The following GALNTL6 variants were observed in gnomAD, a reference collection of about 807,000 sequenced individuals.
GALNTL6 encodes polypeptide N-acetylgalactosaminyltransferase-like 6.
In GALNTL6, 46 loss-of-function variants were observed where a neutral mutation model predicts 73.7. The ratio of observed to expected loss-of-function variants is 0.62; its 90% CI spans 0.49 to 0.80. The LOEUF is 0.80. Among genes scored for constraint, GALNTL6 ranks in the 30% least tolerant of loss-of-function variants. GALNTL6 has a pLI of 0.00. For missense variants in GALNTL6, 604 were observed against 755.0 expected (o/e 0.80, Z 2.34); for synonymous variants, 259 against 263.7 (o/e 0.98, Z 0.17).
At chr4:172,017,422 C>T (rs529435581) in intron 2 of GALNTL6, among the ~76,000 whole-genome samples, 28 of 152,070 alleles carry the variant, frequency 1.8e-4, no homozygotes, top group Non-Finnish European at 3.5e-4. Context: ...GCTATACTCA[C>T]CCTGGATTTT....
intron 5 of GALNTL6, among the ~76,000 whole-genome samples, chr4:172,536,758 G>A (rs771588130): frequency 2.0e-5 from 3 of 152,170 alleles, no homozygotes; most frequent in Non-Finnish European, 4.4e-5. Context: ...TGAAAAATTT[G>A]CAGCCTGATG....
intron 5 of GALNTL6, among the ~76,000 whole-genome samples, chr4:172,368,788 C>A (rs1315574861): frequency 1.3e-5 from 2 of 152,176 alleles, no homozygotes; most frequent in African/African-American, 2.4e-5. Context: ...AGCCGCGGAC[C>A]CTTGCGGTGA....
chr4:172,553,330 A>G (rs554429602), intron 5 of GALNTL6, among the ~76,000 whole-genome samples: 2 of 152,306 alleles, frequency 1.3e-5, no homozygotes, highest in African/African-American at 4.8e-5. Context: ...CATTTCCAGG[A>G]AAAGCCAGTC....
intron 2 of GALNTL6, among the ~76,000 whole-genome samples, chr4:171,913,512 C>T (rs1393675438): frequency 6.6e-6 from 1 of 152,124 alleles, no homozygotes; most frequent in Admixed American, 6.5e-5. Flanking sequence ...ATAAATGCCA[C>T]ACTAAACAAT....
At chr4:172,829,245 A>T (rs970602274) in intron 7 of GALNTL6, among the ~76,000 whole-genome samples, 2 of 152,216 alleles carry the variant, frequency 1.3e-5, no homozygotes, top group African/African-American at 2.4e-5. Context: ...ATCCACAAGG[A>T]TGTCAGCAGA....
rs1488738843 is a variant in GALNTL6, at chr4:172,168,353, C to T, written c.139-61303C>T. On this transcript the variant is annotated intron_variant, in intron 2 of 12. Coordinates refer to ENST00000506823, the MANE Select transcript of GALNTL6 (RefSeq NM_001034845.3). ...CTGGAGTGCAGTGGCAAAATCTCTGCTCACTGTAATCTCCATCTCCCAAGT... is the reference window on the plus strand; with the variant it reads ...CTGGAGTGCAGTGGCAAAATCTCTGTTCACTGTAATCTCCATCTCCCAAGT... Among the ~76,000 whole-genome samples, 7 of 152,318 alleles carry T rather than the reference C, an allele frequency of 4.6e-5. No homozygotes were observed. The East Asian group carries it at 7.7e-4, about 17-fold the overall frequency.
At chr4:172,402,453 C>T (rs138098797) in intron 5 of GALNTL6, among the ~76,000 whole-genome samples, 3 of 152,062 alleles carry the variant, frequency 2.0e-5, no homozygotes, top group African/African-American at 2.4e-5. Flanking sequence ...ACACTTAAAG[C>T]GTAATTTTAA....
At chr4:171,985,490 A>G (rs530128221) in intron 2 of GALNTL6, among the ~76,000 whole-genome samples, 1 of 152,254 alleles carries the variant, frequency 6.6e-6, no homozygotes, top group East Asian at 1.9e-4. Flanking sequence ...GGACACAGCC[A>G]AGTTTCTTTT....
chr4:172,591,343 G>A (rs772888003), intron 5 of GALNTL6, among the ~76,000 whole-genome samples: 2 of 152,006 alleles, frequency 1.3e-5, no homozygotes, highest in African/African-American at 2.4e-5. Context: ...CATACAATCC[G>A]CCTTCATTAA....
Position 172,585,425 on chromosome 4 carries a change from C to T in GALNTL6, c.554-223936C>T, listed in dbSNP as rs138864327. On this transcript the variant is annotated intron_variant, in intron 5 of 12. Transcript: ENST00000506823. The stretch of plus-strand genomic sequence containing the variant: ...TCCCCTTGCCCTCCACCTCCTGACA[C>T]GCCCCAGTGTGTGATGTTCCCCTCC... Among the ~76,000 whole-genome samples, 88 of 152,188 alleles carry T rather than the reference C, an allele frequency of 5.8e-4. No homozygotes were observed. The Middle Eastern group carries it at 0.01, about 18-fold the overall frequency.
chr4:172,970,077 A>G (rs1750505661), intron 10 of GALNTL6, among the ~76,000 whole-genome samples: 1 of 152,220 alleles, frequency 6.6e-6, no homozygotes, highest in South Asian at 2.1e-4. Flanking sequence ...GTGTACGAAC[A>G]GGGAGTAGGT....
intron 2 of GALNTL6, among the ~76,000 whole-genome samples, chr4:172,122,643 G>A (rs1733183817): frequency 6.6e-6 from 1 of 152,190 alleles, no homozygotes; most frequent in Admixed American, 6.5e-5. Context: ...GCTCACTAGT[G>A]AGGAAAAGCC....
intron 2 of GALNTL6, among the ~76,000 whole-genome samples, chr4:171,966,581 G>C (rs921134119): frequency 6.6e-5 from 10 of 152,120 alleles, no homozygotes; most frequent in Non-Finnish European, 1.3e-4. Flanking sequence ...AAGTCTGGCT[G>C]GTGCTTAGGG....
In GALNTL6 at chr4:172,809,666, C is replaced by A; in HGVS notation, c.739+120C>A. On this transcript the variant is annotated intron_variant, in intron 6 of 12. Coordinates refer to ENST00000506823, the MANE Select transcript of GALNTL6 (RefSeq NM_001034845.3). This position sits in a 1 kb window ranked among gnomAD's most constrained non-coding sequence, Gnocchi z 4.4. ...CCTTCTACAAGTTTTCCAGGGGAAG[C>A]CTTGAATTTTATATTTACCACTGCT... The A allele has an allele frequency of 1.4e-6, 1 of 707,832 alleles. No homozygotes were observed. 43.8% of individuals were successfully genotyped at this position (707,832 alleles called of 1,614,324 possible). A position where few individuals can be genotyped will look rare whatever the true frequency, so the allele number is the denominator to read the frequency against.
At chr4:172,641,851 T>C (rs1264785565) in intron 5 of GALNTL6, among the ~76,000 whole-genome samples, 1 of 152,024 alleles carries the variant, frequency 6.6e-6, no homozygotes, top group Admixed American at 6.6e-5. Context: ...TAAGGAAGTG[T>C]CCAGGACTTT....
chr4:171,904,304 C>T (rs888287741), intron 2 of GALNTL6, among the ~76,000 whole-genome samples: 4 of 151,974 alleles, frequency 2.6e-5, no homozygotes, highest in African/African-American at 9.7e-5. Flanking sequence ...CTTAAAGGAG[C>T]TGATGGAGCT....
intron 2 of GALNTL6, among the ~76,000 whole-genome samples, chr4:172,043,627 C>A (rs957154336): frequency 6.6e-6 from 1 of 151,916 alleles, no homozygotes; most frequent in Non-Finnish European, 1.5e-5. Flanking sequence ...ATAAATAGAA[C>A]AGTTACTAGT....
At chr4:172,534,891 C>A (rs1396721550) in intron 5 of GALNTL6, among the ~76,000 whole-genome samples, 1 of 152,068 alleles carries the variant, frequency 6.6e-6, no homozygotes, top group Non-Finnish European at 1.5e-5. Flanking sequence ...TGAAGATTTA[C>A]AAACCTGAAA....
intron 5 of GALNTL6, among the ~76,000 whole-genome samples, chr4:172,597,420 T>C (rs11932837): frequency 0.036 from 5,416 of 152,304 alleles, 254 homozygotes; most frequent in African/African-American, 0.1. Flanking sequence ...TGTTTCTTAC[T>C]AACCACTGGA....
Sources: allele counts gnomAD v4.1 joint callset (sites outside exome capture counted in the v4.1 genomes callset), GRCh38; gene constraint gnomAD v4.1.1; non-coding constraint Gnocchi (gnomAD v3.1); transcripts MANE v1.5; gene names NCBI Gene and HGNC (gene_info 2026-07-23, HGNC 2026-07-21).